FAM227A: variants seen among roughly 807,000 people sequenced by gnomAD.
FAM227A encodes family with sequence similarity 227 member A, also known as protein FAM227A.
In FAM227A, 80 loss-of-function variants were observed where a neutral mutation model predicts 74.7. The observed-to-expected ratio is 1.07, with a 90% CI of 0.89 to 1.29. The LOEUF (loss-of-function observed/expected upper bound fraction) is 1.29, where lower values mean the gene tolerates loss of function less well. FAM227A is among the 50% of genes most tolerant of loss of function. FAM227A has a pLI of 0.00. For synonymous variants in FAM227A, 237 were observed against 241.8 expected (o/e 0.98, Z 0.19); for missense variants, 654 against 683.4 (o/e 0.96, Z 0.48).
At chr22:38,602,063 C>T (rs1202075368) in intron 13 of FAM227A, among the ~76,000 whole-genome samples, 1 of 152,128 alleles carries the variant, frequency 6.6e-6, no homozygotes, top group East Asian at 1.9e-4. Context: ...CTTAATGGAA[C>T]AAAAATTCCA....
At chr22:38,633,705 C>A (rs2091953610) in intron 6 of FAM227A, among the ~76,000 whole-genome samples, 1 of 151,946 alleles carries the variant, frequency 6.6e-6, no homozygotes, top group Non-Finnish European at 1.5e-5. Context: ...CCACGCCTGG[C>A]TAATTTTTGT....
chr22:38,643,879 G>A (rs569844840), intron 3 of FAM227A, among the ~76,000 whole-genome samples: 1 of 152,294 alleles, frequency 6.6e-6, no homozygotes, highest in East Asian at 1.9e-4. Context: ...CAGGCGCAGT[G>A]GCTCACGCCT....
chr22:38,608,555 C>T (rs1045051802), intron 11 of FAM227A, among the ~76,000 whole-genome samples: 4 of 151,828 alleles, frequency 2.6e-5, no homozygotes, highest in African/African-American at 9.7e-5. Flanking sequence ...CTCAGCCTCC[C>T]GAGTAGCTAG....
At chr22:38,648,608 G>GAAACAAAC (rs10645286) in intron 2 of FAM227A, among the ~76,000 whole-genome samples, 1 of 147,930 alleles carries the variant, frequency 6.8e-6, no homozygotes, top group African/African-American at 2.5e-5. Flanking sequence ...CTCTGTCTCA[G>GAAACAAAC]AAACAAACAA....
chr22:38,614,085 C>A (rs2091525538), intron 11 of FAM227A, among the ~76,000 whole-genome samples: 1 of 152,146 alleles, frequency 6.6e-6, no homozygotes, highest in Non-Finnish European at 1.5e-5. Flanking sequence ...AGGTTAAGAG[C>A]TAGGATTCTA....
rs566806965 is a variant in FAM227A at position 38,582,687 on chromosome 22, C to T, written c.*3438G>A. 2 of 898,754 alleles carry T rather than the reference C, an allele frequency of 2.2e-6. No homozygotes were observed. The highest frequency in any genetic ancestry group is 2.6e-5 in the Admixed American group (1 of 38,366). The allele number at this position is 898,754 out of a possible 1,614,324, so 55.7% of individuals were successfully genotyped here. On this transcript the variant is annotated 3_prime_UTR_variant, in exon 17 of 17. Coordinates refer to ENST00000535113, the MANE Select transcript of FAM227A (RefSeq NM_001013647.2). ...CTGTGCAACAAATGGTCCTGACAGA[C>T]AGAAATGCAGTTTGTCCTGGGCTTA...
rs2091946753 is a variant in FAM227A, at chr22:38,633,306, G to A, written c.519+3145C>T. Among the ~76,000 whole-genome samples the A allele has an allele frequency of 2.0e-5, 3 of 152,230 alleles. No homozygotes were observed. In the South Asian group the frequency reaches 6.2e-4, roughly 32 times the overall value. On this transcript the variant is annotated intron_variant, in intron 6 of 16. Coordinates refer to ENST00000535113, the MANE Select transcript of FAM227A (RefSeq NM_001013647.2). ...TTCCGGGAGTTGCACAGTTTTATTT[G>A]TAGTAAGTCTGAAGGAAAACGTTCC...
intron 9 of FAM227A, among the ~76,000 whole-genome samples, chr22:38,624,618 G>A (rs567059688): frequency 8.1e-4 from 123 of 152,282 alleles, no homozygotes; most frequent in African/African-American, 2.8e-3. Flanking sequence ...CTGCCTTCCT[G>A]GAATTGTGGT....
At chr22:38,604,397 C>T (rs1464441877) in intron 13 of FAM227A, among the ~76,000 whole-genome samples, 1 of 152,164 alleles carries the variant, frequency 6.6e-6, no homozygotes, top group Admixed American at 6.5e-5. Context: ...TGGCCGACTC[C>T]CTTGCTAGCT....
intron 11 of FAM227A, among the ~76,000 whole-genome samples, chr22:38,614,788 G>A (rs1352067703): frequency 2.6e-5 from 4 of 152,118 alleles, no homozygotes; most frequent in African/African-American, 9.7e-5. Context: ...TCAGTACAAA[G>A]AACACACGCT....
chr22:38,595,944 T>C (rs1473224080), intron 15 of FAM227A, among the ~76,000 whole-genome samples: 1 of 127,032 alleles, frequency 7.9e-6, no homozygotes, highest in Admixed American at 8.6e-5. Flanking sequence ...TTCAAAAAAG[T>C]CCATGTCATA....
chr22:38,613,379 C>T lies in FAM227A; in HGVS notation c.1039-5903G>A, dbSNP rs80312970. Among the ~76,000 whole-genome samples the T allele has an allele frequency of 4.6e-3, 214 of 46,706 alleles. 5 individuals are homozygous for T. Among genetic ancestry groups the T allele is most frequent in the African/African-American group, 0.023 (203 of 8,980 alleles). 30.6% of individuals were successfully genotyped at this position (46,706 alleles called of 152,430 possible). On this transcript the variant is annotated intron_variant, in intron 11 of 16. Transcript: ENST00000535113. ...AATATATATCATATATAATATATAA[C>T]ATATATTATATAATATATATTTATA...
At position 38,646,926 on chromosome 22, in the gene FAM227A, A is replaced by C. The variant is rs1424818483; in HGVS notation, c.143-1281T>G. 3.4e-5 allele frequency among the ~76,000 whole-genome samples: 5 copies of C among 147,720 alleles called. No individual in the cohort carries two copies. The East Asian group carries it at 1.0e-3, about 31-fold the overall frequency. ...AGCACTTTGGGAGGCTGAGGCGGGC[A>C]GATCACGATGTTAGGAGTTTGAGAC... On this transcript the variant is annotated intron_variant, in intron 2 of 16. Coordinates refer to ENST00000535113, the MANE Select transcript of FAM227A (RefSeq NM_001013647.2).
At chr22:38,607,633 G>A (rs142251065) in intron 11 of FAM227A, among the ~76,000 whole-genome samples, 157 bp from the exon 12 acceptor site, 3 of 152,272 alleles carry the variant, frequency 2.0e-5, no homozygotes, top group Admixed American at 2.0e-4. Context: ...GACCTTTCAG[G>A]TCCTCCCAGG....
At position 38,583,667 on chromosome 22, in the gene FAM227A, G is replaced by A. The variant is rs1374519534; in HGVS notation, c.*2458C>T. The A allele has an allele frequency of 1.3e-5, 2 of 152,282 alleles. No homozygotes were observed. The highest frequency in any genetic ancestry group is 2.1e-4 in the South Asian group (1 of 4,838). 9.4% of individuals were successfully genotyped at this position (152,282 alleles called of 1,614,324 possible). On this transcript the variant is annotated 3_prime_UTR_variant, in exon 17 of 17. Coordinates refer to ENST00000535113, the MANE Select transcript of FAM227A (RefSeq NM_001013647.2). ...GGTCAAGATGCACAGCTACTATGCTGAGTCACACATCCATATGGTGAAGCA... is the reference window on the plus strand; with the variant it reads ...GGTCAAGATGCACAGCTACTATGCTAAGTCACACATCCATATGGTGAAGCA...
chr22:38,613,787 G>A (rs1178920170), intron 11 of FAM227A, among the ~76,000 whole-genome samples: 3 of 151,974 alleles, frequency 2.0e-5, no homozygotes, highest in Admixed American at 2.0e-4. Flanking sequence ...CATATTTAAC[G>A]CCCACATTGT....
At chr22:38,647,338 G>A (rs1183994703) in intron 2 of FAM227A, among the ~76,000 whole-genome samples, 2 of 151,798 alleles carry the variant, frequency 1.3e-5, no homozygotes, top group Non-Finnish European at 2.9e-5. Context: ...GGTGGCAGAC[G>A]CCTATAGTCC....
At chr22:38,617,630 C>A (rs1027009130) in intron 11 of FAM227A, among the ~76,000 whole-genome samples, 59 of 152,118 alleles carry the variant, frequency 3.9e-4, no homozygotes, top group African/African-American at 1.4e-3. Context: ...GCCTCCAATG[C>A]CATTTGTTAA....
chr22:38,635,193 T>A (rs1451835091), intron 6 of FAM227A, among the ~76,000 whole-genome samples: 1 of 139,658 alleles, frequency 7.2e-6, no homozygotes, highest in Non-Finnish European at 1.5e-5. Context: ...GCCACTGCAC[T>A]CTGTCCAGCC....
Sources: gnomAD v4.1 joint callset for allele counts (sites outside exome capture counted in the v4.1 genomes callset) on GRCh38, gnomAD v4.1.1 for gene constraint, MANE v1.5 for transcripts, NCBI Gene and HGNC (gene_info 2026-07-23, HGNC 2026-07-21) for gene names.